Variants in NUCB2 observed in about 807,000 individuals in gnomAD.
The protein encoded by NUCB2 is nucleobindin 2.
NUCB2 carries 48 observed loss-of-function variants against 57.9 expected under a neutral mutation model. The ratio of observed to expected loss-of-function variants is 0.83; its 90% confidence interval spans 0.66 to 1.05. NUCB2 has a LOEUF of 1.05. Ranked by LOEUF, NUCB2 falls within the 50% of genes least tolerant of loss-of-function variation. The pLI, the probability that NUCB2 is intolerant of heterozygous loss-of-function variation, is 0.00. For missense variants in NUCB2, 442 were observed against 476.2 expected (o/e 0.93, Z 0.67); for synonymous variants, 139 against 152.1 (o/e 0.91, Z 0.64).
At position 17,343,871 on chromosome 11, in the gene NUCB2, T is replaced by A. The variant is rs1591646263; in HGVS notation, n.2627-5474T>A. Among the ~76,000 whole-genome samples the A allele has an allele frequency of 2.0e-5, 3 of 152,340 alleles. No individual in the cohort carries two copies. In the South Asian group the frequency reaches 6.2e-4, roughly 32 times the overall value. ...TTTTCTAACTAAATCTCAGTCCTAA[T>A]CCCATATCATTTTTTATTTCTTTTG... On this transcript the variant is annotated intron_variant and non_coding_transcript_variant, in intron 2 of 2. Transcript: ENST00000532240.
chr11:17,317,973 G>GTT (rs568298872), intron 11 of NUCB2, among the ~76,000 whole-genome samples: 196 of 123,492 alleles, frequency 1.6e-3, no homozygotes, highest in Non-Finnish European at 2.4e-3. Context: ...AAAGAAGTCA[G>GTT]CTTTTTTTTT....
chr11:17,301,272 C>CTTT lies in NUCB2; in HGVS notation c.253-451_253-449dup, dbSNP rs397848120. On this transcript the variant is annotated intron_variant, in intron 4 of 13. Transcript: ENST00000529010. ...ACAGGCGTGAGCCACCGCGCCTGGC[C>CTTT]TTTTTTTTTTTTTTTTTTTTTTTGA... 2.7e-3 allele frequency among the ~76,000 whole-genome samples: 199 copies of CTTT among 73,270 alleles called. 16 individuals carry two copies. The highest frequency in any genetic ancestry group is 0.011 in the African/African-American group (163 of 15,104). 48.1% of individuals were successfully genotyped at this position (73,270 alleles called of 152,430 possible). A position where few individuals can be genotyped will look rare whatever the true frequency, so the allele number is the denominator to read the frequency against.
chr11:17,320,940 AT>A (rs547121190), intron 11 of NUCB2, among the ~76,000 whole-genome samples: 13 of 151,662 alleles, frequency 8.6e-5, no homozygotes, highest in Non-Finnish European at 1.6e-4. Flanking sequence ...TTTTTTCTTT[AT>A]TTTTTTTAAT....
In NUCB2 at chr11:17,285,922, C is replaced by T. The variant is rs182457612; in HGVS notation, c.-1+2979C>T. ...CAGGAAACCATCACACATACATGCG[C>T]GCACGTGTGCGTACACACACACACA... On this transcript the variant is annotated intron_variant, in intron 2 of 13. Transcript: ENST00000529010. 8.9e-3 allele frequency among the ~76,000 whole-genome samples: 1,270 copies of T among 142,178 alleles called. 7 individuals carry two copies. Among genetic ancestry groups the T allele is most frequent in the African/African-American group, 0.012 (400 of 33,754 alleles). The allele number at this position is 142,178 out of a possible 152,430, so 93.3% of individuals were successfully genotyped here.
chr11:17,306,359 GAA>G (rs1947637037), intron 5 of NUCB2, among the ~76,000 whole-genome samples: 1 of 152,104 alleles, frequency 6.6e-6, no homozygotes. Context: ...CTGACTCTGG[GAA>G]AGAGTATAAT....
downstream of NUCB2, chr11:17,333,805 C>T (rs1951595485): frequency 6.6e-6 from 1 of 152,236 alleles, no homozygotes; most frequent in African/African-American, 2.4e-5. Context: ...TTCAATTCTT[C>T]AGGGCTCCAG....
chr11:17,315,354 TTTATA>T (rs1211705575), intron 10 of NUCB2, 27 bp from the exon 11 acceptor site: 4 of 1,221,344 alleles, frequency 3.3e-6, no homozygotes, highest in Non-Finnish European at 4.7e-6. Context: ...AAAGATTTAC[TTTATA>T]TTATGTATAC....
intron 2 of NUCB2, among the ~76,000 whole-genome samples, chr11:17,288,931 A>G: frequency 1.1e-5 from 1 of 92,948 alleles, no homozygotes; most frequent in African/African-American, 6.3e-5. Context: ...ACACACACAC[A>G]CACACACACA....
chr11:17,290,512 T>C (rs966680869), intron 2 of NUCB2, among the ~76,000 whole-genome samples: 1 of 151,948 alleles, frequency 6.6e-6, no homozygotes, highest in African/African-American at 2.4e-5. Flanking sequence ...AGTTTGAGAC[T>C]GGCCTGGGCA....
At chr11:17,292,145 C>G (rs1356400159) in intron 2 of NUCB2, among the ~76,000 whole-genome samples, 14 of 151,822 alleles carry the variant, frequency 9.2e-5, no homozygotes, top group Admixed American at 9.2e-4. Context: ...GTTAAATTCT[C>G]TTATTTAAAA....
At chr11:17,307,113 A>G (rs1947786017) in intron 5 of NUCB2, among the ~76,000 whole-genome samples, 2 of 152,100 alleles carry the variant, frequency 1.3e-5, no homozygotes, top group Admixed American at 6.6e-5. Context: ...TGTGTTGCCC[A>G]GGCTGGTCTT....
chr11:17,301,925 C>T (rs1230740243), intron 5 of NUCB2, 55 bp downstream of exon 5: 5 of 1,478,872 alleles, frequency 3.4e-6, no homozygotes, highest in African/African-American at 1.4e-5. Flanking sequence ...TTTGAAACAG[C>T]GTTTTACCCT....
chr11:17,340,468 T>A (rs1384539681), intron 2 of NUCB2, among the ~76,000 whole-genome samples: 5 of 152,246 alleles, frequency 3.3e-5, no homozygotes, highest in Admixed American at 1.3e-4. Flanking sequence ...TCTTCTAGGG[T>A]TTTTATGGTT....
rs958016046 is a variant in NUCB2, at chr11:17,330,600, C to T, written c.1174-302C>T. Among the ~76,000 whole-genome samples the T allele has an allele frequency of 1.2e-4, 19 of 152,146 alleles. No homozygotes were observed. The highest frequency in any genetic ancestry group is 4.6e-4 in the African/African-American group (19 of 41,422). Reference sequence around the variant, plus strand: ...CCTCCCACCTCAGCCTCCCCAGTAGCTAGGACTACAGGTGCATGCCAGTGT... The same window carrying T: ...CCTCCCACCTCAGCCTCCCCAGTAGTTAGGACTACAGGTGCATGCCAGTGT... On this transcript the variant is annotated intron_variant, in intron 12 of 13. Transcript: ENST00000529010. The surrounding 1 kb of genome is among the most constrained non-coding windows in gnomAD (Gnocchi z 4.3).
chr11:17,332,244 C>G (rs978030943), downstream of NUCB2: 2 of 151,988 alleles, frequency 1.3e-5, no homozygotes, highest in Non-Finnish European at 2.9e-5. Flanking sequence ...TGGACTTTCT[C>G]TGCTTGAGTT....
chr11:17,299,040 A>G (rs1160012942), intron 4 of NUCB2, among the ~76,000 whole-genome samples: 1 of 152,168 alleles, frequency 6.6e-6, no homozygotes, highest in Admixed American at 6.5e-5. Flanking sequence ...GGAGAATCAT[A>G]TTACATTTCT....
At chr11:17,281,240 C>G (rs1942501877) in intron 1 of NUCB2, among the ~76,000 whole-genome samples, 2 of 151,702 alleles carry the variant, frequency 1.3e-5, no homozygotes, top group Non-Finnish European at 2.9e-5. Flanking sequence ...TCTCAGCTTC[C>G]TGAGTAGCTG....
chr11:17,342,806 A>G (rs1197600356), intron 2 of NUCB2, among the ~76,000 whole-genome samples: 1 of 151,294 alleles, frequency 6.6e-6, no homozygotes, highest in South Asian at 2.1e-4. Flanking sequence ...TGGGGTGGAG[A>G]GTTCTGTAGA....
intron 8 of NUCB2, 75 bp downstream of exon 8, chr11:17,311,358 C>A (rs576692353): frequency 1.9e-6 from 2 of 1,050,550 alleles, no homozygotes; most frequent in Admixed American, 2.1e-5. Flanking sequence ...TAATTGATTT[C>A]TGCCAAGGTC....
Sources: allele counts gnomAD v4.1 joint callset (sites outside exome capture counted in the v4.1 genomes callset), GRCh38; gene constraint gnomAD v4.1.1; non-coding constraint Gnocchi (gnomAD v3.1); transcripts MANE v1.5; gene names NCBI Gene and HGNC (gene_info 2026-07-23, HGNC 2026-07-21).